TNS3: variants seen among roughly 807,000 people sequenced by gnomAD.
TNS3 encodes the protein tensin-3.
TNS3 carries 45 observed loss-of-function variants against 140.9 expected under a neutral mutation model. That is an observed-to-expected ratio of 0.32 (90% CI 0.25 to 0.41). TNS3 has a LOEUF of 0.41. Among genes scored for constraint, TNS3 ranks in the 10% least tolerant of loss-of-function variants. The probability of loss-of-function intolerance (pLI) is 1.00; values close to 1 mark genes in which losing one functional copy is unlikely to be tolerated. For synonymous variants in TNS3, 815 were observed against 788.4 expected, an observed-to-expected ratio of 1.03 and a Z score of -0.56; for missense variants, 1,716 against 1,906.7, an observed-to-expected ratio of 0.90 and a Z score of 1.86.
At chr7:47,443,138 C>A (rs764475065) in intron 4 of TNS3, among the ~76,000 whole-genome samples, 1 of 152,156 alleles carries the variant, frequency 6.6e-6, no homozygotes, top group Non-Finnish European at 1.5e-5. Context: ...AGCCCTGGGT[C>A]CACCTCCTCA....
chr7:47,321,351 T>C (rs1434307867), intron 20 of TNS3, among the ~76,000 whole-genome samples: 1 of 152,176 alleles, frequency 6.6e-6, no homozygotes, highest in South Asian at 2.1e-4. Context: ...ATGGGCAGCG[T>C]CTCCACGGTC....
intron 2 of TNS3, among the ~76,000 whole-genome samples, chr7:47,516,227 TTAAC>T (rs936829608): frequency 1.3e-5 from 2 of 152,120 alleles, no homozygotes; most frequent in African/African-American, 4.8e-5. Context: ...ATCCTAGAGA[TTAAC>T]TACTCTAATG....
At chr7:47,286,184 G>T (rs1785412037) in intron 27 of TNS3, among the ~76,000 whole-genome samples, 1 of 152,174 alleles carries the variant, frequency 6.6e-6, no homozygotes, top group Admixed American at 6.5e-5. Context: ...AGTTCACACA[G>T]AACCACAGCT....
chr7:47,578,872 G>A (rs755354816), intron 1 of TNS3, among the ~76,000 whole-genome samples: 11 of 152,184 alleles, frequency 7.2e-5, no homozygotes, highest in Non-Finnish European at 1.3e-4. Flanking sequence ...GCCTGCATCC[G>A]GATTCAACAT....
intron 10 of TNS3, 56 bp from the exon 11 acceptor site, chr7:47,415,262 G>T: frequency 1.6e-6 from 2 of 1,282,832 alleles, no homozygotes; most frequent in Non-Finnish European, 2.2e-6. Flanking sequence ...CCTCTGCTGA[G>T]AAGGGAACTC....
chr7:47,339,874 G>T (rs1451030633), intron 20 of TNS3, among the ~76,000 whole-genome samples: 1 of 150,774 alleles, frequency 6.6e-6, no homozygotes, highest in East Asian at 1.9e-4. Flanking sequence ...TCAGCATTGT[G>T]CAGTTTTCAG....
Position 47,454,890 on chromosome 7 carries a change from G to GC in TNS3, c.-75-12836_-75-12835insG, listed in dbSNP as rs565899413. ...GCCCGTGTTAATGTCAGTCATCTCC[G>GC]GAGTCTGAAAGTGCCCTGCAGCAGG... On this transcript the variant is annotated intron_variant, in intron 4 of 30. Transcript: ENST00000311160. Among the ~76,000 whole-genome samples the GC allele has an allele frequency of 7.2e-4, 109 of 152,256 alleles. 2 individuals are homozygous for GC. The East Asian group carries it at 0.018, about 25-fold the overall frequency.
chr7:47,429,723 T>C (rs1794837180), intron 8 of TNS3, among the ~76,000 whole-genome samples: 1 of 152,144 alleles, frequency 6.6e-6, no homozygotes, highest in Non-Finnish European at 1.5e-5. Flanking sequence ...TCTGGAATCA[T>C]ATAAAGCCAA....
intron 1 of TNS3, among the ~76,000 whole-genome samples, chr7:47,562,988 A>G (rs962312897): frequency 1.3e-5 from 2 of 151,944 alleles, no homozygotes; most frequent in Non-Finnish European, 2.9e-5. Context: ...ACACAGCCCC[A>G]CCCCCAGCTC....
At chr7:47,420,470 A>T (rs1434044008) in intron 10 of TNS3, among the ~76,000 whole-genome samples, 1 of 152,208 alleles carries the variant, frequency 6.6e-6, no homozygotes, top group Non-Finnish European at 1.5e-5. Context: ...CTCAGGGTAC[A>T]TCACCAGAAA....
chr7:47,482,996 G>A (rs552470233), intron 3 of TNS3, among the ~76,000 whole-genome samples: 3 of 152,168 alleles, frequency 2.0e-5, no homozygotes, highest in South Asian at 2.1e-4. Flanking sequence ...AAGGATGGAC[G>A]CACGTCATTC....
At chr7:47,309,533 A>T (rs1786961065) in intron 20 of TNS3, among the ~76,000 whole-genome samples, 1 of 152,334 alleles carries the variant, frequency 6.6e-6, no homozygotes, top group African/African-American at 2.4e-5. Context: ...CTCACCGATA[A>T]ATAGGATTAA....
At chr7:47,441,613 A>G (rs13231464) in intron 5 of TNS3, among the ~76,000 whole-genome samples, 55,556 of 152,164 alleles carry the variant, frequency 0.37, 11,608 homozygotes, top group Middle Eastern at 0.5. Flanking sequence ...GAACAGAAAT[A>G]AAGCGCTTCC....
rs770646403 is a variant in TNS3 at position 47,297,072 on chromosome 7, G to A, written c.3676+10C>T. 1.2e-6 allele frequency: 2 copies of A among 1,613,952 alleles called. No individual in the cohort carries two copies. The highest frequency in any genetic ancestry group is 2.7e-5 in the African/African-American group (2 of 74,938). On this transcript the variant is annotated intron_variant, in intron 24 of 30. Coordinates refer to ENST00000311160, the MANE Select transcript of TNS3 (RefSeq NM_022748.12). The stretch of plus-strand genomic sequence containing the variant: ...GAGCTGAACAGATCAATAGGGAGCA[G>A]TAACCTTACCTTTCTTGTTCAGCTG...
intron 2 of TNS3, among the ~76,000 whole-genome samples, chr7:47,525,060 GT>G (rs1414010155): frequency 6.6e-6 from 1 of 152,186 alleles, no homozygotes; most frequent in Admixed American, 6.5e-5. Flanking sequence ...AGAAAAACCA[GT>G]GCTACACTGG....
intron 1 of TNS3, among the ~76,000 whole-genome samples, chr7:47,541,167 A>C (rs1231066014): frequency 6.6e-6 from 1 of 152,184 alleles, no homozygotes. Flanking sequence ...GATTGAGCAT[A>C]AGGATCTGTG....
chr7:47,380,756 A>G (rs541622563), intron 16 of TNS3, among the ~76,000 whole-genome samples: 2 of 151,488 alleles, frequency 1.3e-5, no homozygotes, highest in Non-Finnish European at 2.9e-5. Context: ...ACACATACAC[A>G]TATGCACGCG....
chr7:47,533,974 C>T (rs921317697), intron 1 of TNS3, among the ~76,000 whole-genome samples: 5 of 152,076 alleles, frequency 3.3e-5, no homozygotes, highest in Non-Finnish European at 5.9e-5. Flanking sequence ...AATACAATCA[C>T]CTAATAAAGA....
chr7:47,369,719 G>T (rs755096744), intron 16 of TNS3, 98 bp from the exon 17 acceptor site: 38 of 1,317,056 alleles, frequency 2.9e-5, no homozygotes, highest in Non-Finnish European at 3.7e-5. Flanking sequence ...ACAAATAAAT[G>T]GATTCAAAAT....
Sources: allele counts gnomAD v4.1 joint callset (sites outside exome capture counted in the v4.1 genomes callset), GRCh38; gene constraint gnomAD v4.1.1; transcripts MANE v1.5; gene names NCBI Gene and HGNC (gene_info 2026-07-23, HGNC 2026-07-21).